RGS21: variants seen among roughly 807,000 people sequenced by gnomAD.
The protein encoded by RGS21 is regulator of G-protein signalling 21.
In RGS21, 19 loss-of-function variants were observed where a neutral mutation model predicts 18.7. That is an observed-to-expected ratio of 1.01 (90% confidence interval 0.71 to 1.49). The LOEUF is 1.49. Among genes scored for constraint, RGS21 ranks in the 40% most tolerant of loss-of-function variants. The pLI, the probability that RGS21 is intolerant of heterozygous loss-of-function variation, is 0.00. For missense variants in RGS21, 194 were observed against 176.8 expected, an observed-to-expected ratio of 1.10 and a Z score of -0.55; for synonymous variants, 56 against 57.8, an observed-to-expected ratio of 0.97 and a Z score of 0.14.
Position 192,337,865 on chromosome 1 carries a change from G to GA in RGS21, c.-60-5106dup, listed in dbSNP as rs544895056. On this transcript the variant is annotated intron_variant, in intron 1 of 4. Transcript: ENST00000417209. ...TTGAGGTATATGAATTCACTAAAGT[G>GA]AAAAAATGTTATTTACTTTTAAAAC... is the stretch of plus-strand genomic sequence containing the variant. Among the ~76,000 whole-genome samples the GA allele has an allele frequency of 1.3e-3, 191 of 152,018 alleles. 1 individual carries two copies. The highest frequency in any genetic ancestry group is 4.5e-3 in the African/African-American group (185 of 41,488).
chr1:192,339,655 A>C (rs1354111128), intron 1 of RGS21, among the ~76,000 whole-genome samples: 2 of 152,060 alleles, frequency 1.3e-5, no homozygotes, highest in Non-Finnish European at 2.9e-5. Context: ...TTACTGTTCC[A>C]TCCATCTGTA....
intron 1 of RGS21, among the ~76,000 whole-genome samples, chr1:192,331,079 T>C (rs1658640633): frequency 6.6e-6 from 1 of 152,226 alleles, no homozygotes; most frequent in African/African-American, 2.4e-5. Flanking sequence ...TCTACTCAAC[T>C]AGACTACTTT....
intron 1 of RGS21, among the ~76,000 whole-genome samples, chr1:192,335,990 A>T (rs1331077037): frequency 6.6e-6 from 1 of 152,218 alleles, no homozygotes; most frequent in African/African-American, 2.4e-5. Flanking sequence ...GTTGCTGTTG[A>T]ACAAAGTATA....
intron 1 of RGS21, among the ~76,000 whole-genome samples, chr1:192,337,133 C>T (rs997527699): frequency 6.6e-6 from 1 of 151,874 alleles, no homozygotes; most frequent in Non-Finnish European, 1.5e-5. Context: ...ATGTAATAGA[C>T]ACATATAGCT....
At chr1:192,357,440 GAA>G (rs1465535292) in intron 4 of RGS21, among the ~76,000 whole-genome samples, 3 of 151,992 alleles carry the variant, frequency 2.0e-5, no homozygotes, top group Admixed American at 2.0e-4. Flanking sequence ...GAGGGAGAGA[GAA>G]AGAGAAAAGG....
At chr1:192,365,050 C>A (rs767311375) in intron 4 of RGS21, among the ~76,000 whole-genome samples, 2 of 151,346 alleles carry the variant, frequency 1.3e-5, no homozygotes, top group Non-Finnish European at 2.9e-5. Flanking sequence ...GCAGGAGAAT[C>A]GCTTGAATTT....
At chr1:192,352,331 A>C in intron 4 of RGS21, 118 bp downstream of exon 4, 2 of 629,064 alleles carry the variant, frequency 3.2e-6, no homozygotes, top group Non-Finnish European at 4.9e-6. Flanking sequence ...TAAATAGAAA[A>C]TGTCAGTAGA....
intron 1 of RGS21, among the ~76,000 whole-genome samples, chr1:192,336,413 C>T (rs1459735309): frequency 6.6e-6 from 1 of 152,084 alleles, no homozygotes; most frequent in Admixed American, 6.6e-5. Flanking sequence ...TGAGATCGTG[C>T]TATTGCACTC....
chr1:192,328,092 A>G (rs1421958280), intron 1 of RGS21, among the ~76,000 whole-genome samples: 1 of 152,152 alleles, frequency 6.6e-6, no homozygotes, highest in African/African-American at 2.4e-5. Context: ...AATGAATACC[A>G]TATTCTCAAC....
intron 1 of RGS21, among the ~76,000 whole-genome samples, chr1:192,320,379 C>T (rs1658478630): frequency 6.6e-6 from 1 of 152,062 alleles, no homozygotes; most frequent in Non-Finnish European, 1.5e-5. Context: ...TGCAAGAATA[C>T]ATGCACACAG....
intron 1 of RGS21, among the ~76,000 whole-genome samples, chr1:192,324,395 T>C (rs1393338081): frequency 6.6e-6 from 1 of 152,138 alleles, no homozygotes; most frequent in African/African-American, 2.4e-5. Flanking sequence ...CACAGCAAGA[T>C]AAGGCATTAG....
At chr1:192,359,434 G>C (rs777032659) in intron 4 of RGS21, among the ~76,000 whole-genome samples, 38 of 151,936 alleles carry the variant, frequency 2.5e-4, no homozygotes, top group Admixed American at 4.6e-4. Context: ...TCCTGATGGA[G>C]TCCCACCTTC....
In RGS21 at chr1:192,366,252, C is replaced by T. The variant is rs369013130; in HGVS notation, c.*128C>T. The T allele has an allele frequency of 2.0e-4, 130 of 637,724 alleles. No individual in the cohort carries two copies. The highest frequency in any genetic ancestry group is 1.7e-3 in the Middle Eastern group (4 of 2,360). The allele number at this position is 637,724 out of a possible 1,614,324, so 39.5% of individuals were successfully genotyped here. On this transcript the variant is annotated 3_prime_UTR_variant, in exon 5 of 5. Coordinates refer to ENST00000417209, the MANE Select transcript of RGS21 (RefSeq NM_001039152.3). ...ATTTTTTACCCAAACAGATGAATAA[C>T]GTTTTATACAACAAGCCTGAATTTC...
intron 1 of RGS21, among the ~76,000 whole-genome samples, chr1:192,323,052 C>A (rs555364703): frequency 6.6e-6 from 1 of 152,118 alleles, no homozygotes; most frequent in Non-Finnish European, 1.5e-5. Context: ...TAAAACTATT[C>A]CAAAATAGTT....
At chr1:192,345,842 T>C (rs1395679896) in intron 2 of RGS21, among the ~76,000 whole-genome samples, 1 of 152,056 alleles carries the variant, frequency 6.6e-6, no homozygotes, top group Non-Finnish European at 1.5e-5. Context: ...TCCTACAAGT[T>C]CTAATATTTG....
chr1:192,318,609 A>C (rs1325941485), intron 1 of RGS21, among the ~76,000 whole-genome samples: 1 of 152,082 alleles, frequency 6.6e-6, no homozygotes, highest in East Asian at 1.9e-4. Flanking sequence ...TTTACTTCTT[A>C]ATTTTGGCTT....
At chr1:192,339,870 A>G (rs1169589033) in intron 1 of RGS21, among the ~76,000 whole-genome samples, 1 of 152,078 alleles carries the variant, frequency 6.6e-6, no homozygotes, top group African/African-American at 2.4e-5. Flanking sequence ...AACTGAAAAG[A>G]AATACCTTCT....
At position 192,366,963 on chromosome 1, in the gene RGS21, T is replaced by C. The variant is rs187081050; in HGVS notation, c.*839T>C. The C allele has an allele frequency of 2.0e-4, 30 of 152,198 alleles. 1 individual carries two copies. The highest frequency in any genetic ancestry group is 1.7e-3 in the Admixed American group (26 of 15,260). 9.4% of individuals were successfully genotyped at this position (152,198 alleles called of 1,614,324 possible). A position where few individuals can be genotyped will look rare whatever the true frequency, so the allele number is the denominator to read the frequency against. On this transcript the variant is annotated 3_prime_UTR_variant, in exon 5 of 5. Coordinates refer to ENST00000417209, the MANE Select transcript of RGS21 (RefSeq NM_001039152.3). ...CTCCTTCAGCACTGATACTTGTTTATAAAACCCAAACAATTTTTAAATGCA... is the reference window on the plus strand; with the variant it reads ...CTCCTTCAGCACTGATACTTGTTTACAAAACCCAAACAATTTTTAAATGCA...
intron 1 of RGS21, among the ~76,000 whole-genome samples, chr1:192,341,841 A>G (rs1425303886): frequency 6.6e-6 from 1 of 150,648 alleles, no homozygotes; most frequent in Non-Finnish European, 1.5e-5. Context: ...TTTCAAGCAT[A>G]TATTATAAAA....
Sources: allele counts gnomAD v4.1 joint callset (sites outside exome capture counted in the v4.1 genomes callset), GRCh38; gene constraint gnomAD v4.1.1; transcripts MANE v1.5; gene names NCBI Gene and HGNC (gene_info 2026-07-23, HGNC 2026-07-21).